Variants in MAP6 observed in about 807,000 individuals in gnomAD.
MAP6 encodes the protein microtubule-associated protein 6.
A neutral mutation model predicts 42.4 loss-of-function variants in MAP6; 26 were observed. The ratio of observed to expected loss-of-function variants is 0.61; its 90% CI spans 0.45 to 0.85. The LOEUF (loss-of-function observed/expected upper bound fraction) is 0.85. Among genes scored for constraint, MAP6 ranks in the 40% least tolerant of loss-of-function variants. The pLI is 0.00. For missense variants in MAP6, 966 were observed against 1,099.0 expected (o/e 0.88, Z 1.71); for synonymous variants, 418 against 443.8 (o/e 0.94, Z 0.73).
At chr11:75,660,601 C>T (rs1470624696) in intron 1 of MAP6, among the ~76,000 whole-genome samples, 1 of 152,218 alleles carries the variant, frequency 6.6e-6, no homozygotes, top group Non-Finnish European at 1.5e-5. Flanking sequence ...TCCAATCTCA[C>T]AACCATGGTT....
At chr11:75,649,460 T>A (rs1212412575) in intron 1 of MAP6, among the ~76,000 whole-genome samples, 1 of 151,908 alleles carries the variant, frequency 6.6e-6, no homozygotes, top group East Asian at 1.9e-4. Context: ...CTGGGCCTAG[T>A]GGGGGGGAAA....
At position 75,612,315 on chromosome 11, in the gene MAP6, A is replaced by C. The variant is rs1942911512; in HGVS notation, c.906-3993T>G. Among the ~76,000 whole-genome samples, 3 of 152,200 alleles carry C rather than the reference A, an allele frequency of 2.0e-5. No individual in the cohort carries two copies. The South Asian group carries it at 6.2e-4, about 32-fold the overall frequency. ...TAGCCAAGGGCATGGAATGTACCCC[A>C]CAGGGATGTGTAAGCCATGGATGAG... is the stretch of plus-strand genomic sequence containing the variant. On this transcript the variant is annotated intron_variant, in intron 1 of 3. Coordinates refer to ENST00000304771, the MANE Select transcript of MAP6 (RefSeq NM_033063.2).
At chr11:75,606,062 A>C (rs1942768178) in intron 2 of MAP6, 58 bp from the exon 3 acceptor site, 1 of 1,583,156 alleles carries the variant, frequency 6.3e-7, no homozygotes, top group African/African-American at 1.4e-5. Context: ...CGTGGGAAGG[A>C]ATTTAGAGAG....
intron 3 of MAP6, 105 bp downstream of exon 3, chr11:75,605,703 C>A: frequency 2.0e-6 from 3 of 1,531,674 alleles, no homozygotes; most frequent in South Asian, 1.3e-5. Flanking sequence ...AGATGAGAAG[C>A]CTCTAATTAA....
At chr11:75,653,889 TGATG>T in intron 1 of MAP6, among the ~76,000 whole-genome samples, 1 of 152,196 alleles carries the variant, frequency 6.6e-6, no homozygotes, top group South Asian at 2.1e-4. Context: ...CCAGGGACAA[TGATG>T]ATGAGGATAG....
At chr11:75,660,063 A>G (rs1943816341) in intron 1 of MAP6, among the ~76,000 whole-genome samples, 1 of 152,214 alleles carries the variant, frequency 6.6e-6, no homozygotes, top group African/African-American at 2.4e-5. Context: ...AACACTGCTG[A>G]GTTCATATGA....
intron 1 of MAP6, among the ~76,000 whole-genome samples, chr11:75,649,461 G>A (rs193289524): frequency 7.0e-4 from 106 of 151,886 alleles, no homozygotes; most frequent in African/African-American, 2.4e-3. Flanking sequence ...TGGGCCTAGT[G>A]GGGGGGAAAA....
chr11:75,629,115 G>C (rs528304474), intron 1 of MAP6, among the ~76,000 whole-genome samples: 26 of 152,278 alleles, frequency 1.7e-4, no homozygotes, highest in African/African-American at 5.8e-4. Context: ...TTGAGACAAA[G>C]TCTTGCTCTT....
chr11:75,666,736 T>G (rs1943954641), intron 1 of MAP6, among the ~76,000 whole-genome samples: 1 of 152,204 alleles, frequency 6.6e-6, no homozygotes, highest in East Asian at 1.9e-4. Context: ...ATTAACTAAA[T>G]AAAAATAAAA....
intron 1 of MAP6, among the ~76,000 whole-genome samples, chr11:75,624,510 G>A (rs1187207794): frequency 3.9e-5 from 6 of 151,996 alleles, no homozygotes; most frequent in Non-Finnish European, 7.4e-5. Flanking sequence ...GGCCAGTCAG[G>A]GCCTGACTGG....
intron 1 of MAP6, among the ~76,000 whole-genome samples, chr11:75,657,455 G>A (rs1474153010): frequency 6.6e-6 from 1 of 152,132 alleles, no homozygotes; most frequent in Non-Finnish European, 1.5e-5. Context: ...AGGGAGGGCT[G>A]GGAAATATTA....
chr11:75,625,197 A>G (rs1398579979), intron 1 of MAP6, among the ~76,000 whole-genome samples: 4 of 152,194 alleles, frequency 2.6e-5, no homozygotes, highest in Non-Finnish European at 4.4e-5. Flanking sequence ...CAAACTCATT[A>G]GCACAGCCAC....
chr11:75,593,944 T>G (rs1942528383), intron 3 of MAP6, among the ~76,000 whole-genome samples: 1 of 151,710 alleles, frequency 6.6e-6, no homozygotes, highest in South Asian at 2.1e-4. Flanking sequence ...GGCCTCAGTT[T>G]CCTTATCTAC....
chr11:75,625,263 A>G (rs1489596033), intron 1 of MAP6, among the ~76,000 whole-genome samples: 3 of 152,220 alleles, frequency 2.0e-5, no homozygotes, highest in Admixed American at 6.5e-5. Flanking sequence ...TGGCAGGTCC[A>G]AGCCCATCAT....
chr11:75,589,945 C>T (rs1015882225), intron 3 of MAP6, among the ~76,000 whole-genome samples: 5 of 152,198 alleles, frequency 3.3e-5, no homozygotes, highest in Admixed American at 6.5e-5. Flanking sequence ...GCAGAGTCCA[C>T]ACAGCACAGG....
chr11:75,664,654 G>A (rs1320072877), intron 1 of MAP6, among the ~76,000 whole-genome samples: 3 of 152,162 alleles, frequency 2.0e-5, no homozygotes, highest in Non-Finnish European at 2.9e-5. Context: ...GGCAACATAA[G>A]GCCCATCTTA....
intron 1 of MAP6, among the ~76,000 whole-genome samples, chr11:75,634,558 G>A (rs912458006): frequency 6.6e-6 from 1 of 152,158 alleles, no homozygotes; most frequent in Non-Finnish European, 1.5e-5. Flanking sequence ...TGTGAGCCAC[G>A]GCACCCAGCC....
At chr11:75,636,435 T>G (rs1208497199) in intron 1 of MAP6, among the ~76,000 whole-genome samples, 1 of 152,196 alleles carries the variant, frequency 6.6e-6, no homozygotes, top group Non-Finnish European at 1.5e-5. Context: ...AGCACCTGCT[T>G]TGCCTCTGTA....
chr11:75,589,534 CCTTA>C (rs1942438807), intron 3 of MAP6, among the ~76,000 whole-genome samples: 1 of 152,110 alleles, frequency 6.6e-6, no homozygotes, highest in African/African-American at 2.4e-5. Context: ...ATTTTCTTAC[CCTTA>C]CTTGTCTGAT....
Sources: gnomAD v4.1 joint callset for allele counts (sites outside exome capture counted in the v4.1 genomes callset) on GRCh38, gnomAD v4.1.1 for gene constraint, MANE v1.5 for transcripts, NCBI Gene and HGNC (gene_info 2026-07-23, HGNC 2026-07-21) for gene names.